Variants in GRM7 observed in about 807,000 individuals in gnomAD.
GRM7 encodes metabotropic glutamate receptor 7.
Under a neutral mutation model 84.5 loss-of-function variants are expected in GRM7, and 35 were observed. The observed-to-expected ratio is 0.41, with a 90% confidence interval of 0.32 to 0.55. The LOEUF (loss-of-function observed/expected upper bound fraction) is 0.55. GRM7 is among the 20% of genes least tolerant of loss of function. GRM7 has a pLI of 0.19. For missense variants in GRM7, 1,003 were observed against 1,194.6 expected (o/e 0.84, Z 2.36); for synonymous variants, 487 against 455.1 (o/e 1.07, Z -0.89).
chr3:7,387,801 T>C (rs1694842882), intron 4 of GRM7, among the ~76,000 whole-genome samples: 1 of 152,128 alleles, frequency 6.6e-6, no homozygotes, highest in Non-Finnish European at 1.5e-5. Flanking sequence ...AATTTTAGGA[T>C]AGTTTTTTTC....
intron 4 of GRM7, among the ~76,000 whole-genome samples, chr3:7,348,126 G>A (rs989156462): frequency 2.6e-5 from 4 of 152,136 alleles, no homozygotes; most frequent in African/African-American, 7.2e-5. Flanking sequence ...TCAAACATAA[G>A]CAGTGACTTT....
At chr3:7,110,500 C>T (rs1384269463) in intron 1 of GRM7, among the ~76,000 whole-genome samples, 2 of 151,778 alleles carry the variant, frequency 1.3e-5, no homozygotes, top group Non-Finnish European at 2.9e-5. Context: ...GAGGCTGAGA[C>T]AGGAGAATCG....
intron 1 of GRM7, among the ~76,000 whole-genome samples, chr3:7,058,920 A>G (rs1697329778): frequency 1.3e-5 from 2 of 151,926 alleles, no homozygotes. Context: ...TCTTCAAATA[A>G]GGAAGAGGAA....
rs148411753 is a variant in GRM7, at chr3:7,341,687, T to C, written c.1033+35035T>C. Among the ~76,000 whole-genome samples the C allele has an allele frequency of 2.3e-3, 346 of 152,298 alleles. 2 individuals carry two copies. The highest frequency in any genetic ancestry group is 0.014 in the Middle Eastern group (4 of 294). On this transcript the variant is annotated intron_variant, in intron 4 of 9. Transcript: ENST00000357716. ...ATAGCACTTAGCAAGTTACAGAAGA[T>C]ACTTATAGTTTGTCCCAGTAATGAA...
Position 7,349,791 on chromosome 3 carries a change from A to G in GRM7, c.1033+43139A>G, listed in dbSNP as rs189449785. The stretch of plus-strand genomic sequence containing the variant: ...TCAAGGGTATAGATGAAATGATTAA[A>G]TATCTATTCATGAAGTTTAAACTAC... On this transcript the variant is annotated intron_variant, in intron 4 of 9. Coordinates refer to ENST00000357716, the MANE Select transcript of GRM7 (RefSeq NM_000844.4). Among the ~76,000 whole-genome samples the G allele has an allele frequency of 1.7e-3, 252 of 152,314 alleles. 1 individual carries two copies. The highest frequency in any genetic ancestry group is 6.8e-3 in the Middle Eastern group (2 of 294).
chr3:7,211,485 T>G (rs1321418081), intron 2 of GRM7, among the ~76,000 whole-genome samples: 1 of 152,162 alleles, frequency 6.6e-6, no homozygotes, highest in African/African-American at 2.4e-5. Flanking sequence ...CCTGAAACCC[T>G]ACCTGGTAAA....
At chr3:7,410,103 A>T (rs1333634241) in intron 4 of GRM7, among the ~76,000 whole-genome samples, 2 of 152,196 alleles carry the variant, frequency 1.3e-5, no homozygotes, top group Admixed American at 1.3e-4. Flanking sequence ...GGTTAAAGGC[A>T]GTCGGGTGGT....
intron 2 of GRM7, among the ~76,000 whole-genome samples, chr3:7,181,996 T>C (rs1695353646): frequency 6.6e-6 from 1 of 152,222 alleles, no homozygotes; most frequent in African/African-American, 2.4e-5. Flanking sequence ...TAATTAACAA[T>C]GGCCTTGGTA....
intron 7 of GRM7, among the ~76,000 whole-genome samples, chr3:7,498,911 G>C (rs1443674503): frequency 6.6e-6 from 1 of 152,194 alleles, no homozygotes; most frequent in Non-Finnish European, 1.5e-5. Flanking sequence ...AGAGTCATCT[G>C]TGCAGAGTTG....
chr3:7,520,232 G>A (rs1285457091), intron 7 of GRM7: 1 of 152,142 alleles, frequency 6.6e-6, no homozygotes, highest in Non-Finnish European at 1.5e-5. Context: ...GGAACACATT[G>A]TCTTCCCAGA....
intron 5 of GRM7, among the ~76,000 whole-genome samples, chr3:7,445,956 A>G (rs1372194752): frequency 6.6e-6 from 1 of 152,042 alleles, no homozygotes; most frequent in Non-Finnish European, 1.5e-5. Context: ...CCCTTCACCC[A>G]GAATATAGCA....
intron 7 of GRM7, chr3:7,561,437 G>T (rs1694023873): frequency 2.2e-6 from 1 of 451,910 alleles, no homozygotes; most frequent in South Asian, 1.6e-5. Context: ...CACAGAAGCT[G>T]CTCAGTGAAT....
intron 1 of GRM7, among the ~76,000 whole-genome samples, chr3:7,013,080 C>T (rs1046468292): frequency 2.6e-5 from 4 of 151,586 alleles, no homozygotes; most frequent in Admixed American, 6.6e-5. Flanking sequence ...GACCACACCT[C>T]TTTTGCCCTA....
intron 2 of GRM7, among the ~76,000 whole-genome samples, chr3:7,282,276 A>G (rs1451867209): frequency 6.6e-6 from 1 of 152,178 alleles, no homozygotes. Context: ...TTAGAAGTCT[A>G]AAATATGCCT....
intron 1 of GRM7, among the ~76,000 whole-genome samples, chr3:7,001,461 C>A (rs1006142054): frequency 2.6e-5 from 4 of 152,112 alleles, no homozygotes; most frequent in African/African-American, 7.2e-5. Flanking sequence ...TATAGATGAG[C>A]TACTTAATTA....
At chr3:6,953,926 A>C (rs1012552224) in intron 1 of GRM7, among the ~76,000 whole-genome samples, 2 of 151,996 alleles carry the variant, frequency 1.3e-5, no homozygotes, top group Non-Finnish European at 2.9e-5. Flanking sequence ...CACATATAGA[A>C]AGCAATTCAT....
chr3:6,962,588 C>T (rs1693344177), intron 1 of GRM7, among the ~76,000 whole-genome samples: 1 of 152,114 alleles, frequency 6.6e-6, no homozygotes, highest in African/African-American at 2.4e-5. Context: ...ATGACATATA[C>T]TTATTCCTAT....
intron 5 of GRM7, among the ~76,000 whole-genome samples, chr3:7,444,967 A>G (rs538100366): frequency 1.6e-4 from 24 of 152,124 alleles, no homozygotes; most frequent in Non-Finnish European, 2.9e-4. Context: ...ATTGCAATCA[A>G]ATTTTGGTCA....
intron 4 of GRM7, among the ~76,000 whole-genome samples, chr3:7,409,996 C>A (rs1333079884): frequency 9.9e-5 from 15 of 152,054 alleles, no homozygotes; most frequent in Admixed American, 9.8e-4. Flanking sequence ...CCTCAAATTG[C>A]CTCAACAGCA....
Sources: gnomAD v4.1 joint callset for allele counts (sites outside exome capture counted in the v4.1 genomes callset) on GRCh38, gnomAD v4.1.1 for gene constraint, MANE v1.5 for transcripts, NCBI Gene and HGNC (gene_info 2026-07-23, HGNC 2026-07-21) for gene names.